The following DIAPH2 variants were observed in gnomAD, a reference collection of about 807,000 sequenced individuals.
DIAPH2 encodes the protein diaphanous related formin 2.
DIAPH2 carries 35 observed loss-of-function variants against 92.7 expected under a neutral mutation model. That is an observed-to-expected ratio of 0.38 (90% CI 0.29 to 0.50). The LOEUF is 0.50. Ranked by LOEUF, DIAPH2 falls within the 20% of genes least tolerant of loss-of-function variation. DIAPH2 has a pLI of 0.94. For missense variants in DIAPH2, 701 were observed against 819.5 expected, an observed-to-expected ratio of 0.86 and a Z score of 1.77; for synonymous variants, 301 against 280.4, an observed-to-expected ratio of 1.07 and a Z score of -0.73.
At chrX:97,271,072 A>T (rs954872875) in intron 23 of DIAPH2, among the ~76,000 whole-genome samples, 2 of 111,108 alleles carry the variant, frequency 1.8e-5, no homozygotes, top group Non-Finnish European at 3.8e-5. Context: ...ACTAATGAAT[A>T]GAATTATTGC....
At chrX:97,515,172 C>T (rs1332406880) in intron 26 of DIAPH2, among the ~76,000 whole-genome samples, 37 of 112,452 alleles carry the variant, frequency 3.3e-4, no homozygotes, top group African/African-American at 9.0e-4. Flanking sequence ...ATTCCGTGGG[C>T]GTAGGACCCT....
chrX:96,967,952 A>G (rs2065903985), intron 17 of DIAPH2, among the ~76,000 whole-genome samples: 1 of 111,316 alleles, frequency 9.0e-6, no homozygotes, highest in Admixed American at 9.5e-5. Flanking sequence ...TTCTGTTTTA[A>G]GTTATTTGAG....
chrX:97,597,477 G>A (rs1030919516), intron 26 of DIAPH2, among the ~76,000 whole-genome samples: 3 of 111,430 alleles, frequency 2.7e-5, no homozygotes, highest in East Asian at 2.8e-4. Flanking sequence ...TGATGGTGTG[G>A]GGTGCCAGTA....
chrX:96,768,659 G>A (rs2064318999), intron 4 of DIAPH2, among the ~76,000 whole-genome samples: 1 of 111,556 alleles, frequency 9.0e-6, no homozygotes, highest in African/African-American at 3.3e-5. Flanking sequence ...ATGAAAATGG[G>A]AAGAGCCATG....
chrX:96,975,528 A>G (rs1204384011), intron 17 of DIAPH2, among the ~76,000 whole-genome samples: 1 of 111,911 alleles, frequency 8.9e-6, no homozygotes, highest in Non-Finnish European at 1.9e-5. Flanking sequence ...TATAAGCTTT[A>G]ATGTATATGG....
At chrX:97,163,568 T>A (rs2147443167) in intron 22 of DIAPH2, among the ~76,000 whole-genome samples, 1 of 112,037 alleles carries the variant, frequency 8.9e-6, no homozygotes, top group Non-Finnish European at 1.9e-5. Context: ...CTGATGTGGC[T>A]AACTTTTTCC....
intron 26 of DIAPH2, among the ~76,000 whole-genome samples, chrX:97,477,012 CACACACACACACAT>C (rs1214545605): frequency 3.1e-5 from 3 of 95,981 alleles, no homozygotes; most frequent in East Asian, 6.3e-4. Context: ...CACACACACA[CACACACACACACAT>C]ACACACACAC....
At chrX:96,880,892 T>C (rs2065208916) in intron 4 of DIAPH2, among the ~76,000 whole-genome samples, 1 of 111,584 alleles carries the variant, frequency 9.0e-6, no homozygotes, top group Non-Finnish European at 1.9e-5. Context: ...AGATGAGTTC[T>C]AGAAACAACT....
intron 20 of DIAPH2, among the ~76,000 whole-genome samples, chrX:97,112,596 G>A (rs142892154): frequency 0.011 from 1,224 of 108,738 alleles, 10 homozygotes; most frequent in African/African-American, 0.032. Flanking sequence ...CCACTTCTGC[G>A]GCCTTTACCT....
intron 21 of DIAPH2, among the ~76,000 whole-genome samples, chrX:97,116,235 A>G (rs1464583311): frequency 1.8e-5 from 2 of 112,187 alleles, no homozygotes; most frequent in Non-Finnish European, 3.8e-5. Context: ...GACATAAAGA[A>G]TAACACTTAT....
At chrX:96,835,798 G>C (rs2064882404) in intron 4 of DIAPH2, among the ~76,000 whole-genome samples, 1 of 111,059 alleles carries the variant, frequency 9.0e-6, no homozygotes. Flanking sequence ...TTGACCACCA[G>C]TCTAGTTTTA....
At chrX:96,870,618 T>C (rs904895499) in intron 4 of DIAPH2, among the ~76,000 whole-genome samples, 1 of 110,566 alleles carries the variant, frequency 9.0e-6, no homozygotes, top group Non-Finnish European at 1.9e-5. Flanking sequence ...TACATTTCTT[T>C]TTATTTTTCC....
At chrX:97,120,835 A>G (rs996715964) in intron 21 of DIAPH2, among the ~76,000 whole-genome samples, 7 of 110,393 alleles carry the variant, frequency 6.3e-5, no homozygotes, top group Non-Finnish European at 1.3e-4. Flanking sequence ...GGAAACATCC[A>G]TCTCCATCCA....
chrX:96,702,352 C>T (rs2063860283), intron 1 of DIAPH2, among the ~76,000 whole-genome samples: 1 of 111,906 alleles, frequency 8.9e-6, no homozygotes. Flanking sequence ...AGAAGCTCAC[C>T]TCAGTGCTGC....
At chrX:97,518,645 A>G (rs1459734692) in intron 26 of DIAPH2, among the ~76,000 whole-genome samples, 1 of 110,427 alleles carries the variant, frequency 9.1e-6, no homozygotes, top group African/African-American at 3.3e-5. Flanking sequence ...TTCTCAAGCC[A>G]TGAACTTCTC....
chrX:96,827,426 G>A (rs529987688), intron 4 of DIAPH2, among the ~76,000 whole-genome samples: 1 of 111,778 alleles, frequency 8.9e-6, no homozygotes, highest in Middle Eastern at 4.6e-3. Flanking sequence ...AAATTATTAT[G>A]TCTATTATAT....
chrX:97,406,034 C>A (rs1015274542), intron 25 of DIAPH2, among the ~76,000 whole-genome samples: 2 of 111,639 alleles, frequency 1.8e-5, no homozygotes, highest in African/African-American at 6.5e-5. Flanking sequence ...TGATCAGTAA[C>A]CTGGTCTCCT....
At chrX:97,456,074 C>G in intron 26 of DIAPH2, among the ~76,000 whole-genome samples, 1 of 112,259 alleles carries the variant, frequency 8.9e-6, no homozygotes, top group Non-Finnish European at 1.9e-5. Context: ...CAGAAATGCT[C>G]ATGTCCTCCT....
chrX:96,876,776 G>T (rs2065182745), intron 4 of DIAPH2, among the ~76,000 whole-genome samples: 3 of 106,614 alleles, frequency 2.8e-5, no homozygotes, highest in South Asian at 8.7e-4. Flanking sequence ...TTGGGGAGGG[G>T]GGAGGGATAG....
Sources: allele counts gnomAD v4.1 joint callset (sites outside exome capture counted in the v4.1 genomes callset), GRCh38; gene constraint gnomAD v4.1.1; transcripts MANE v1.5; gene names NCBI Gene and HGNC (gene_info 2026-07-23, HGNC 2026-07-21).